The following CDK12 variants were observed in gnomAD, a reference collection of about 807,000 sequenced individuals.
The protein encoded by CDK12 is cyclin dependent kinase 12.
Under a neutral mutation model 133.8 loss-of-function variants are expected in CDK12, and 17 were observed. That is an observed-to-expected ratio of 0.13 (90% confidence interval 0.09 to 0.19). The LOEUF (loss-of-function observed/expected upper bound fraction) is 0.19, where lower values mean the gene tolerates loss of function less well. Ranked by LOEUF, CDK12 falls within the 10% of genes least tolerant of loss-of-function variation. CDK12 has a pLI of 1.00. For missense variants in CDK12, 1,508 were observed against 1,818.7 expected, an observed-to-expected ratio of 0.83 and a Z score of 3.11; for synonymous variants, 694 against 683.6, an observed-to-expected ratio of 1.02 and a Z score of -0.24.
downstream of CDK12, among the ~76,000 whole-genome samples, chr17:39,566,622 A>G (rs1250626502): frequency 6.6e-6 from 1 of 152,116 alleles, no homozygotes; most frequent in Non-Finnish European, 1.5e-5. Context: ...TCTGTGGCAG[A>G]CAGATGGGGT....
rs2049060819 is a variant in CDK12 at position 39,463,063 on chromosome 17, G to A, written c.992G>A (p.Arg331Gln). The A allele has an allele frequency of 3.1e-6, 5 of 1,614,194 alleles. No homozygotes were observed. In the East Asian group the frequency reaches 1.1e-4, roughly 36 times the overall value. The change falls in exon 1 of 14, where the codon CGG becomes CAG. Residue 331 changes from arginine (R) to glutamine (Q), a missense_variant. Physicochemically the swap from Arg to Gln is conservative, Grantham distance 43. This residue lies in a region of CDK12 where 460 missense variants were observed against 490.8 expected (regional missense o/e 0.94). Coordinates refer to ENST00000447079, the MANE Select transcript of CDK12 (RefSeq NM_016507.4). Reference sequence around the variant, plus strand: ...TCGCCCAGTCCCTATGGTCGAAGGCGGTCCAGCAGCCCTTTCCTGAGCAAG... The same window carrying A: ...TCGCCCAGTCCCTATGGTCGAAGGCAGTCCAGCAGCCCTTTCCTGAGCAAG... ...GRSPSPYGRR[R>Q]SSSPFLSKRS... is the part of the protein sequence containing the mutation.
chr17:39,550,043 A>G (rs549890954), upstream of CDK12: 1 of 151,922 alleles, frequency 6.6e-6, no homozygotes, highest in African/African-American at 2.4e-5. Context: ...AGCTCAAAGC[A>G]CAGCTGAGCC....
At chr17:39,474,959 T>C (rs2145320898) in intron 2 of CDK12, among the ~76,000 whole-genome samples, 1 of 151,862 alleles carries the variant, frequency 6.6e-6, no homozygotes, top group East Asian at 1.9e-4. Context: ...TCAGCTCCTC[T>C]GAGTAGCTGA....
chr17:39,529,087 GT>G, intron 13 of CDK12, among the ~76,000 whole-genome samples: 1 of 152,078 alleles, frequency 6.6e-6, no homozygotes, highest in Non-Finnish European at 1.5e-5. Flanking sequence ...AATAACTTGG[GT>G]GGGTACTATA....
chr17:39,467,286 A>T (rs1158669798), intron 1 of CDK12, among the ~76,000 whole-genome samples: 1 of 152,036 alleles, frequency 6.6e-6, no homozygotes, highest in African/African-American at 2.4e-5. Flanking sequence ...GAAACAACCT[A>T]ATTTTAAAAG....
rs761305541 is a variant in CDK12, at chr17:39,519,988, A to G, written c.2996A>G (p.His999Arg). 1 of 1,613,956 alleles carries G rather than the reference A, an allele frequency of 6.2e-7. No individual in the cohort carries two copies. The highest frequency in any genetic ancestry group is 8.5e-7 in the Non-Finnish European group (1 of 1,179,986). The change falls in exon 11 of 14, where the codon CAC (histidine) becomes CGC (arginine). Residue 999 changes from histidine to arginine, a missense_variant. Physicochemically the swap from His to Arg is conservative, Grantham distance 29. This residue lies in a region of CDK12 where 82 missense variants were observed against 201.5 expected (regional missense o/e 0.41). Coordinates refer to ENST00000447079, the MANE Select transcript of CDK12 (RefSeq NM_016507.4). ...TCTGCAGCACTTGATTTATTGGACCACATGCTGACACTAGATCCTAGTAAG... is the reference window on the plus strand; with the variant it reads ...TCTGCAGCACTTGATTTATTGGACCGCATGCTGACACTAGATCCTAGTAAG... ...IPSAALDLLDHMLTLDPSKRC... is the reference protein window; with the variant it reads ...IPSAALDLLDRMLTLDPSKRC...
chr17:39,465,523 G>A (rs1181235004), intron 1 of CDK12, among the ~76,000 whole-genome samples: 1 of 149,538 alleles, frequency 6.7e-6, no homozygotes, highest in Non-Finnish European at 1.5e-5. Context: ...GTCTTGTTTT[G>A]TTGCCCAGGC....
chr17:39,519,516 A>C (rs2054034573), intron 10 of CDK12, among the ~76,000 whole-genome samples: 1 of 151,222 alleles, frequency 6.6e-6, no homozygotes, highest in Non-Finnish European at 1.5e-5. Flanking sequence ...CCTGGCCTCA[A>C]ACGATCCACC....
chr17:39,519,953 T>C lies in CDK12; in HGVS notation c.2964-3T>C. 6.2e-7 allele frequency: 1 copy of C among 1,613,704 alleles called. No homozygotes were observed. The highest frequency in any genetic ancestry group is 8.5e-7 in the Non-Finnish European group (1 of 1,179,760). ...CTTGTCCTTTCTGTGTTCTTTTCCA[T>C]AGCATTCCTTCTGCAGCACTTGATT... On this transcript the variant is annotated splice_polypyrimidine_tract_variant and splice_region_variant and intron_variant, in intron 10 of 13. Coordinates refer to ENST00000447079, the MANE Select transcript of CDK12 (RefSeq NM_016507.4).
At chr17:39,545,217 C>T (rs2055625623), upstream of CDK12, among the ~76,000 whole-genome samples, 2 of 151,926 alleles carry the variant, frequency 1.3e-5, no homozygotes, top group Admixed American at 6.6e-5. Flanking sequence ...ATATACACAG[C>T]CTTGCAGGGT....
intron 1 of CDK12, 102 bp downstream of exon 1, chr17:39,463,219 G>A (rs2049070976): frequency 1.0e-6 from 1 of 989,776 alleles, no homozygotes; most frequent in Non-Finnish European, 1.5e-6. Flanking sequence ...GTTCATCATT[G>A]ACTAGAACAC....
At position 39,462,236 on chromosome 17, in the gene CDK12, G is replaced by A. The variant is rs2144853449; in HGVS notation, c.165G>A (p.Leu55=). Residue 55 remains leucine, a synonymous_variant, in exon 1 of 14, where the codon TTG becomes TTA. Transcript: ENST00000447079. ...CCAAACACTCCAAAGACATGGGGTT[G>A]GTGACCCCCGAAGCAGCATCCCTGG... The part of the protein sequence containing the change: ...HKSKHSKDMG[L]VTPEAASLGT... The A allele has an allele frequency of 6.2e-7, 1 of 1,614,204 alleles. No homozygotes were observed. Among genetic ancestry groups the A allele is most frequent in the African/African-American group, 1.3e-5 (1 of 75,058 alleles).
chr17:39,486,247 C>T (rs1435180960), intron 2 of CDK12, among the ~76,000 whole-genome samples: 9 of 142,552 alleles, frequency 6.3e-5, no homozygotes, highest in Non-Finnish European at 7.5e-5. Context: ...CCACTGCACC[C>T]TGCCTCTTTT....
intron 2 of CDK12, among the ~76,000 whole-genome samples, chr17:39,486,037 C>T (rs1419655313): frequency 6.7e-6 from 1 of 150,342 alleles, no homozygotes; most frequent in Non-Finnish European, 1.5e-5. Flanking sequence ...ACTGCAACCT[C>T]TGCCTCCTGG....
chr17:39,471,187 A>C lies in CDK12; in HGVS notation c.1355A>C (p.Lys452Thr). The change falls in exon 2 of 14, where the codon AAA becomes ACA. Residue 452 changes from lysine to threonine, a missense_variant. Around this residue, in one of 9 missense-constraint regions of CDK12, gnomAD observed 347 missense variants for 330.8 expected, o/e 1.05. Coordinates refer to ENST00000447079, the MANE Select transcript of CDK12 (RefSeq NM_016507.4). ...TCTAAAAAGTTACCCAGAAGTGTAA[A>C]ATTGGAAAAATCTGCCCCAGATACT... ...LESKKLPRSV[K>T]LEKSAPDTEL... 1 of 1,580,656 alleles carries C rather than the reference A, an allele frequency of 6.3e-7. No individual in the cohort carries two copies. Among genetic ancestry groups the C allele is most frequent in the Non-Finnish European group, 8.6e-7 (1 of 1,167,890 alleles).
At chr17:39,493,005 GT>G (rs1469607246) in intron 4 of CDK12, 115 bp downstream of exon 4, 2 of 974,364 alleles carry the variant, frequency 2.1e-6, no homozygotes, top group Non-Finnish European at 3.0e-6. Flanking sequence ...TTGTTTGTTT[GT>G]TTGTTTTTTG....
chr17:39,537,331 G>A (rs1282325480), downstream of CDK12, among the ~76,000 whole-genome samples: 2 of 152,088 alleles, frequency 1.3e-5, no homozygotes, highest in Non-Finnish European at 2.9e-5. Context: ...TGAATTCAAA[G>A]ACCTAAAGAA....
At chr17:39,465,902 A>C (rs1031787389) in intron 1 of CDK12, among the ~76,000 whole-genome samples, 2 of 152,232 alleles carry the variant, frequency 1.3e-5, no homozygotes, top group Non-Finnish European at 2.9e-5. Context: ...ATGGGAATAG[A>C]GAAGAGTGTG....
intron 1 of CDK12, 89 bp downstream of exon 1, chr17:39,463,206 A>G (rs1446557330): frequency 5.3e-6 from 6 of 1,139,218 alleles, no homozygotes; most frequent in Non-Finnish European, 5.1e-6. Flanking sequence ...GGAAGCCCGC[A>G]GTGTTCATCA....
Sources: allele counts gnomAD v4.1 joint callset (sites outside exome capture counted in the v4.1 genomes callset), GRCh38; gene constraint gnomAD v4.1.1; regional missense constraint gnomAD v4.1.1; transcripts MANE v1.5; gene names NCBI Gene and HGNC (gene_info 2026-07-23, HGNC 2026-07-21).